REV3L: variants seen among roughly 807,000 people sequenced by gnomAD.
REV3L encodes the protein REV3 like, DNA directed polymerase zeta catalytic subunit.
In REV3L, 69 loss-of-function variants were observed where a neutral mutation model predicts 299.4. That is an observed-to-expected ratio of 0.23 (90% confidence interval 0.19 to 0.28). REV3L has a LOEUF of 0.28. REV3L is among the 10% of genes least tolerant of loss of function. The pLI is 1.00. For synonymous variants in REV3L, 1,238 were observed against 1,271.4 expected (o/e 0.97, Z 0.56); for missense variants, 3,128 against 3,693.8 (o/e 0.85, Z 3.97).
At chr6:111,431,338 G>A (rs1786901022) in intron 1 of REV3L, 1 of 1,066,664 alleles carries the variant, frequency 9.4e-7, no homozygotes, top group South Asian at 1.2e-5. Flanking sequence ...CAGAAGTAGA[G>A]CCACCAGGAT....
At chr6:111,478,629 CAA>C (rs35796020) in intron 1 of REV3L, among the ~76,000 whole-genome samples, 115 of 128,416 alleles carry the variant, frequency 9.0e-4, no homozygotes, top group African/African-American at 1.1e-3. Flanking sequence ...TCCAATTTAC[CAA>C]AAAAAAAAAA....
intron 13 of REV3L, among the ~76,000 whole-genome samples, chr6:111,371,803 ATCTGCCCCCC>A (rs1562201424): frequency 6.6e-6 from 1 of 152,084 alleles, no homozygotes; most frequent in Non-Finnish European, 1.5e-5. Flanking sequence ...ACCTCAGGTG[ATCTGCCCCCC>A]TCGGCCTCCC....
At chr6:111,452,206 A>G (rs1050507306) in intron 1 of REV3L, among the ~76,000 whole-genome samples, 1 of 152,194 alleles carries the variant, frequency 6.6e-6, no homozygotes, top group Non-Finnish European at 1.5e-5. Context: ...GACTAAATAT[A>G]AACAAATGTT....
intron 14 of REV3L, 41 bp from the exon 15 acceptor site, chr6:111,365,385 T>C: frequency 1.7e-6 from 2 of 1,186,016 alleles, no homozygotes; most frequent in Non-Finnish European, 2.4e-6. Flanking sequence ...ATATCAAAAT[T>C]ACCTGCTTCT....
In REV3L at chr6:111,351,689, G is replaced by T; in HGVS notation, c.7287C>A (p.Ile2429=). The change falls in exon 19 of 32, where the codon ATC becomes ATA. Residue 2429 remains isoleucine, a synonymous_variant. Transcript: ENST00000368802. ...AATGACACATACCTGGCACCCGAGA[G>T]ATCATCCGACATAAGTCAATACTTA... ...AALSIDLCRM[I]SRVPDDKIEN... 1.9e-6 allele frequency: 3 copies of T among 1,612,722 alleles called. No homozygotes were observed. Among genetic ancestry groups the T allele is most frequent in the Non-Finnish European group, 2.5e-6 (3 of 1,179,134 alleles).
rs1028027229 is a variant in REV3L at position 111,299,307 on chromosome 6, A to G, written c.*709T>C. 2 of 152,572 alleles carry G rather than the reference A, an allele frequency of 1.3e-5. No individual in the cohort carries two copies. Among genetic ancestry groups the G allele is most frequent in the East Asian group, 3.8e-4 (2 of 5,202 alleles). 9.5% of individuals were successfully genotyped at this position (152,572 alleles called of 1,614,324 possible). The stretch of plus-strand genomic sequence containing the variant: ...AAATGGAATAAAATTTTTTATTTTT[A>G]AAGTATTGCAACAGGCCCACAGGTT... On this transcript the variant is annotated 3_prime_UTR_variant, in exon 32 of 32. Coordinates refer to ENST00000368802, the MANE Select transcript of REV3L (RefSeq NM_001372078.1).
At chr6:111,360,142 C>T (rs1471369979) in intron 16 of REV3L, among the ~76,000 whole-genome samples, 1 of 152,124 alleles carries the variant, frequency 6.6e-6, no homozygotes, top group Non-Finnish European at 1.5e-5. Context: ...ATAAAGGATA[C>T]ACACAATGGA....
intron 20 of REV3L, among the ~76,000 whole-genome samples, chr6:111,345,230 G>C (rs1426853542): frequency 6.6e-6 from 1 of 152,020 alleles, no homozygotes; most frequent in Admixed American, 6.6e-5. Context: ...CAGATAAAGA[G>C]GATGAAAACA....
At chr6:111,313,823 C>T (rs947436907) in intron 27 of REV3L, among the ~76,000 whole-genome samples, 5 of 152,344 alleles carry the variant, frequency 3.3e-5, no homozygotes, top group African/African-American at 4.8e-5. Flanking sequence ...TATTTCCATA[C>T]TGTCCTTTTC....
At chr6:111,379,359 G>A (rs566040802) in intron 11 of REV3L, among the ~76,000 whole-genome samples, 1 of 152,188 alleles carries the variant, frequency 6.6e-6, no homozygotes, top group African/African-American at 2.4e-5. Context: ...GCCTATAGAA[G>A]TTTAAAGGAG....
chr6:111,380,523 T>G (rs1780727084), intron 10 of REV3L, among the ~76,000 whole-genome samples: 1 of 152,156 alleles, frequency 6.6e-6, no homozygotes, highest in Non-Finnish European at 1.5e-5. Context: ...CCTCCCAAAG[T>G]GCTGGGATTA....
chr6:111,362,292 C>T (rs1304581810), intron 16 of REV3L, among the ~76,000 whole-genome samples: 1 of 152,042 alleles, frequency 6.6e-6, no homozygotes, highest in Non-Finnish European at 1.5e-5. Context: ...AAACATAATT[C>T]TCAGTTCAAA....
At chr6:111,359,612 T>C (rs1296645380) in intron 16 of REV3L, among the ~76,000 whole-genome samples, 1 of 151,280 alleles carries the variant, frequency 6.6e-6, no homozygotes, top group African/African-American at 2.4e-5. Flanking sequence ...TAACATATAA[T>C]GCAAAAAAGT....
intron 19 of REV3L, among the ~76,000 whole-genome samples, chr6:111,349,828 A>C (rs552160822): frequency 3.9e-5 from 6 of 152,344 alleles, no homozygotes; most frequent in Non-Finnish European, 5.9e-5. Flanking sequence ...TTTTTAACCT[A>C]AACGATTCTC....
In REV3L at chr6:111,300,126, G is replaced by C. The variant is rs746165279; in HGVS notation, c.9283C>G (p.Arg3095Gly). Residue 3095 changes from arginine to glycine, a missense_variant, in exon 32 of 32, where the codon CGA becomes GGA. Physicochemically the swap from Arg to Gly is moderately radical, Grantham distance 125. This residue lies in a region of REV3L where 294 missense variants were observed against 377.0 expected (regional missense o/e 0.78). Transcript: ENST00000368802. ...TTCAGAGAAACACATGGGATGTGTCGATCAAAGCAACCTGTACAGTTCTTG... is the reference window on the plus strand; with the variant it reads ...TTCAGAGAAACACATGGGATGTGTCCATCAAAGCAACCTGTACAGTTCTTG... ...ICKNCTGCFD[R>G]HIPCVSLNCP... 1.2e-5 allele frequency: 20 copies of C among 1,612,040 alleles called. No homozygotes were observed. Among genetic ancestry groups the C allele is most frequent in the Non-Finnish European group, 1.5e-5 (18 of 1,179,214 alleles).
chr6:111,359,515 T>C (rs1778425164), intron 16 of REV3L, among the ~76,000 whole-genome samples: 1 of 117,538 alleles, frequency 8.5e-6, no homozygotes, highest in Non-Finnish European at 1.7e-5. Context: ...ATTATAGTTT[T>C]TCCTGAAAAA....
chr6:111,322,820 A>G, intron 25 of REV3L, 142 bp from the exon 26 acceptor site: 1 of 629,356 alleles, frequency 1.6e-6, no homozygotes, highest in South Asian at 2.1e-5. Context: ...CAAAATAGCC[A>G]TCAGTATCAT....
chr6:111,339,244 C>G (rs1419973506), intron 21 of REV3L, among the ~76,000 whole-genome samples: 1 of 151,936 alleles, frequency 6.6e-6, no homozygotes, highest in Non-Finnish European at 1.5e-5. Context: ...TTAATTCTTA[C>G]TTCACTTCAT....
Position 111,307,388 on chromosome 6 carries a change from C to T in REV3L, c.9225G>A (p.Leu3075=), listed in dbSNP as rs1361693748. Residue 3075 remains leucine, a synonymous_variant, in exon 31 of 32, where the codon TTG becomes TTA. Coordinates refer to ENST00000368802, the MANE Select transcript of REV3L (RefSeq NM_001372078.1). The part of the protein sequence containing the change: ...AVILNQEIRE[L]ERQQEQLVKI... Reference sequence around the variant, plus strand: ...TTACAAGTTGCTCCTGTTGACGTTCCAACTCCCGGATTTCTTGGTTGAGGA... The same window carrying T: ...TTACAAGTTGCTCCTGTTGACGTTCTAACTCCCGGATTTCTTGGTTGAGGA... 1 of 1,614,064 alleles carries T rather than the reference C, an allele frequency of 6.2e-7. No homozygotes were observed. The highest frequency in any genetic ancestry group is 1.1e-5 in the South Asian group (1 of 91,072).
Sources: gnomAD v4.1 joint callset for allele counts (sites outside exome capture counted in the v4.1 genomes callset) on GRCh38, gnomAD v4.1.1 for gene constraint, gnomAD v4.1.1 regional missense constraint, MANE v1.5 for transcripts, NCBI Gene and HGNC (gene_info 2026-07-23, HGNC 2026-07-21) for gene names.